ZMIZ1: variants seen among roughly 807,000 people sequenced by gnomAD.
ZMIZ1 encodes the protein zinc finger MIZ-type containing 1, also known as zinc finger MIZ domain-containing protein 1.
Under a neutral mutation model 113.9 loss-of-function variants are expected in ZMIZ1, and 17 were observed. That is an observed-to-expected ratio of 0.15 (90% CI 0.10 to 0.22). The LOEUF (loss-of-function observed/expected upper bound fraction) is 0.22. Ranked by LOEUF, ZMIZ1 falls within the 10% of genes least tolerant of loss-of-function variation. The pLI is 1.00. For missense variants in ZMIZ1, 1,059 were observed against 1,477.8 expected, an observed-to-expected ratio of 0.72 and a Z score of 4.65; for synonymous variants, 607 against 603.1, an observed-to-expected ratio of 1.01 and a Z score of -0.09.
At chr10:79,311,304 G>GGGGGGGGC in intron 24 of ZMIZ1, 120 bp downstream of exon 24, 10 of 359,152 alleles carry the variant, frequency 2.8e-5, no homozygotes, top group Middle Eastern at 1.0e-3. Context: ...TGGGCGGTGG[G>GGGGGGGGC]AGGGCTTCAC....
intron 7 of ZMIZ1, among the ~76,000 whole-genome samples, chr10:79,273,327 C>G (rs1852062591): frequency 6.6e-6 from 1 of 151,014 alleles, no homozygotes; most frequent in Non-Finnish European, 1.5e-5. Flanking sequence ...CCCAACAGCC[C>G]CTCCTGCTTC....
chr10:79,226,056 G>A (rs983637368), intron 7 of ZMIZ1, among the ~76,000 whole-genome samples: 5 of 152,196 alleles, frequency 3.3e-5, no homozygotes, highest in Non-Finnish European at 5.9e-5. Context: ...TGCAATACAC[G>A]CAGTCCCTTC....
chr10:79,287,042 A>G (rs1234078869), intron 8 of ZMIZ1, among the ~76,000 whole-genome samples: 1 of 152,236 alleles, frequency 6.6e-6, no homozygotes, highest in Non-Finnish European at 1.5e-5. Context: ...CCCTCTGGTC[A>G]TCCAGCACAC....
chr10:79,292,771 G>A (rs1564589488), intron 11 of ZMIZ1: 2 of 466,246 alleles, frequency 4.3e-6, no homozygotes, highest in Admixed American at 4.7e-5. Context: ...CTATCTGTGG[G>A]TCTGCGCAGG....
At chr10:79,287,513 A>G (rs1362624352) in intron 8 of ZMIZ1, among the ~76,000 whole-genome samples, 1 of 152,262 alleles carries the variant, frequency 6.6e-6, no homozygotes, top group Non-Finnish European at 1.5e-5. Context: ...TCTTTGAGCC[A>G]CATCAGATTT....
At chr10:79,224,856 G>A (rs1284999851) in intron 7 of ZMIZ1, among the ~76,000 whole-genome samples, 7 of 152,174 alleles carry the variant, frequency 4.6e-5, no homozygotes, top group South Asian at 4.1e-4. Flanking sequence ...AGCACTGATC[G>A]AGAAGTGGAG....
chr10:79,197,935 C>T (rs902342724), intron 4 of ZMIZ1, among the ~76,000 whole-genome samples: 1 of 152,174 alleles, frequency 6.6e-6, no homozygotes, highest in Non-Finnish European at 1.5e-5. Context: ...CCCAACCCAT[C>T]TGGCCTAGGA....
At chr10:79,228,363 C>G (rs1367850387) in intron 7 of ZMIZ1, among the ~76,000 whole-genome samples, 1 of 152,200 alleles carries the variant, frequency 6.6e-6, no homozygotes, top group African/African-American at 2.4e-5. Context: ...GCCCTTGAGT[C>G]TGAAGAGAAG....
intron 1 of ZMIZ1, among the ~76,000 whole-genome samples, chr10:79,071,574 C>T (rs944537529): frequency 6.6e-6 from 1 of 152,146 alleles, no homozygotes; most frequent in Non-Finnish European, 1.5e-5. Context: ...TTCTCAGCCC[C>T]GGCTGCTTTG....
intron 3 of ZMIZ1, among the ~76,000 whole-genome samples, chr10:79,150,354 C>T (rs1378820209): frequency 6.6e-6 from 1 of 152,252 alleles, no homozygotes; most frequent in Non-Finnish European, 1.5e-5. Flanking sequence ...CCTCGGGCCG[C>T]CCTGCCTCTG....
Position 79,291,164 on chromosome 10 carries a change from G to C in ZMIZ1, c.746G>C (p.Gly249Ala), listed in dbSNP as rs942550163. ...CGGCCCAACTACCCCGGCAGCGGGG[G>C]CTTTGGGGCCAGGTGAGCAGGGCTG... ...YGRPNYPGSG[G>A]FGASYPGGPN... Residue 249 changes from glycine (G) to alanine (A), a missense_variant, in exon 10 of 25, where the codon GGC becomes GCC. Physicochemically the swap from Gly to Ala is moderately conservative, Grantham distance 60. Transcript: ENST00000334512. 2 of 1,610,398 alleles carry C rather than the reference G, an allele frequency of 1.2e-6. No individual in the cohort carries two copies. The highest frequency in any genetic ancestry group is 1.1e-5 in the South Asian group (1 of 90,954).
chr10:79,218,524 A>G (rs929774062), intron 7 of ZMIZ1, among the ~76,000 whole-genome samples: 6 of 151,986 alleles, frequency 3.9e-5, no homozygotes, highest in African/African-American at 1.5e-4. Flanking sequence ...CTAGTGATTA[A>G]CTATACTTCT....
intron 2 of ZMIZ1, among the ~76,000 whole-genome samples, chr10:79,124,103 T>G (rs1326871968): frequency 6.6e-6 from 1 of 152,174 alleles, no homozygotes; most frequent in Non-Finnish European, 1.5e-5. Flanking sequence ...GATGCCCCTC[T>G]AGGTCAGGAG....
chr10:79,223,323 C>A (rs1461899132), intron 7 of ZMIZ1, among the ~76,000 whole-genome samples: 1 of 152,254 alleles, frequency 6.6e-6, no homozygotes, highest in African/African-American at 2.4e-5. Context: ...GGCAGGCAGG[C>A]CCTTGCCCTT....
At chr10:79,243,659 TC>T in intron 7 of ZMIZ1, 1 of 297,902 alleles carries the variant, frequency 3.4e-6, no homozygotes, top group Non-Finnish European at 6.7e-6. Context: ...CTACCCGGAG[TC>T]GCTCGCCGCG....
At chr10:79,071,596 A>G (rs1301730743) in intron 1 of ZMIZ1, among the ~76,000 whole-genome samples, 4 of 152,196 alleles carry the variant, frequency 2.6e-5, no homozygotes, top group Non-Finnish European at 4.4e-5. Flanking sequence ...GAGGGGGTCC[A>G]GAGTGGGGGA....
chr10:79,304,524 G>A (rs948591680), intron 19 of ZMIZ1, among the ~76,000 whole-genome samples: 3 of 152,224 alleles, frequency 2.0e-5, no homozygotes, highest in Non-Finnish European at 4.4e-5. Flanking sequence ...CATCAAGTCA[G>A]TGTTCAGGAA....
chr10:79,174,469 G>T (rs12573130), intron 4 of ZMIZ1, among the ~76,000 whole-genome samples: 23,584 of 152,160 alleles, frequency 0.15, 2,058 homozygotes, highest in East Asian at 0.32. Context: ...GCCGGTGAGG[G>T]TTTTGATCTG....
At chr10:79,090,040 C>T (rs1285219420) in intron 1 of ZMIZ1, among the ~76,000 whole-genome samples, 1 of 152,220 alleles carries the variant, frequency 6.6e-6, no homozygotes, top group African/African-American at 2.4e-5. Context: ...GGGACAACCC[C>T]ACCTCTCCCT....
Sources: gnomAD v4.1 joint callset for allele counts (sites outside exome capture counted in the v4.1 genomes callset) on GRCh38, gnomAD v4.1.1 for gene constraint, MANE v1.5 for transcripts, NCBI Gene and HGNC (gene_info 2026-07-23, HGNC 2026-07-21) for gene names.